CALCR: variants seen among roughly 807,000 people sequenced by gnomAD.
The protein encoded by CALCR is calcitonin receptor.
CALCR carries 47 observed loss-of-function variants against 59.5 expected under a neutral mutation model. The observed-to-expected ratio is 0.79, with a 90% CI of 0.63 to 1.01. The LOEUF is 1.01. CALCR is among the 50% of genes least tolerant of loss of function. The probability of loss-of-function intolerance (pLI) is 0.00; values close to 1 mark genes in which losing one functional copy is unlikely to be tolerated. For synonymous variants in CALCR, 213 were observed against 211.3 expected (o/e 1.01, Z -0.07); for missense variants, 566 against 597.1 (o/e 0.95, Z 0.54).
rs77805728 is a variant in CALCR at position 93,535,406 on chromosome 7, T to A, written c.-27+38883A>T. Among the ~76,000 whole-genome samples the A allele has an allele frequency of 1.9e-3, 289 of 151,878 alleles. 10 individuals are homozygous for A. In the East Asian group the frequency reaches 0.053, roughly 28 times the overall value. On this transcript the variant is annotated intron_variant, in intron 2 of 13. Transcript: ENST00000426151. ...TCCATGTAAGCTTAAATTTCTTAAG[T>A]ACATGGGCCTGTCTTGCTTCACTTT...
At chr7:93,427,950 C>G (rs775397664) in intron 13 of CALCR, among the ~76,000 whole-genome samples, 1 of 152,134 alleles carries the variant, frequency 6.6e-6, no homozygotes, top group South Asian at 2.1e-4. Context: ...ATTTAGCAAT[C>G]TGATAATTTG....
At chr7:93,506,818 C>G (rs2374657) in intron 2 of CALCR, among the ~76,000 whole-genome samples, 20,525 of 152,060 alleles carry the variant, frequency 0.13, 3,018 homozygotes, top group African/African-American at 0.35. Context: ...AATTGTAGTT[C>G]CCACAATCCT....
At chr7:93,439,918 G>A (rs2043781981) in intron 9 of CALCR, among the ~76,000 whole-genome samples, 1 of 152,050 alleles carries the variant, frequency 6.6e-6, no homozygotes. Flanking sequence ...ACTACTAAGT[G>A]GTGCCATGCA....
chr7:93,485,964 G>T (rs574247942), intron 3 of CALCR, among the ~76,000 whole-genome samples: 1 of 151,552 alleles, frequency 6.6e-6, no homozygotes, highest in Non-Finnish European at 1.5e-5. Flanking sequence ...TAACATTTAT[G>T]AAATACTAGC....
chr7:93,522,321 A>G (rs1801781379), intron 2 of CALCR, among the ~76,000 whole-genome samples: 1 of 152,204 alleles, frequency 6.6e-6, no homozygotes, highest in Non-Finnish European at 1.5e-5. Flanking sequence ...AAGATTTATC[A>G]TCATTCATTG....
Position 93,438,925 on chromosome 7 carries a change from T to C in CALCR, c.803-655A>G, listed in dbSNP as rs181020169. On this transcript the variant is annotated intron_variant, in intron 9 of 13. Transcript: ENST00000426151. ...GTAAAAAAAAAAAAACTTTTTAATT[T>C]ATAAACAGAAAAATGGACACAGTTA... 1.8e-3 allele frequency among the ~76,000 whole-genome samples: 279 copies of C among 152,200 alleles called. 2 individuals are homozygous for C. Among genetic ancestry groups the C allele is most frequent in the African/African-American group, 6.3e-3 (263 of 41,544 alleles).
chr7:93,548,490 C>T (rs933819565), intron 2 of CALCR, among the ~76,000 whole-genome samples: 2 of 151,722 alleles, frequency 1.3e-5, no homozygotes, highest in African/African-American at 2.4e-5. Context: ...TTTATAGAAC[C>T]GAGGGAAATA....
intron 2 of CALCR, among the ~76,000 whole-genome samples, chr7:93,556,749 C>T (rs745814420): frequency 8.6e-5 from 13 of 151,866 alleles, no homozygotes; most frequent in Non-Finnish European, 1.9e-4. Context: ...ATAGATCTGC[C>T]TCATTCTTTT....
chr7:93,561,428 T>G (rs1484525102), intron 2 of CALCR, among the ~76,000 whole-genome samples: 1 of 152,132 alleles, frequency 6.6e-6, no homozygotes, highest in Admixed American at 6.6e-5. Flanking sequence ...TAATAGCATT[T>G]TTGCTTTTTC....
At chr7:93,509,122 T>C in intron 2 of CALCR, among the ~76,000 whole-genome samples, 1 of 152,052 alleles carries the variant, frequency 6.6e-6, no homozygotes, top group East Asian at 1.9e-4. Flanking sequence ...TTGGCTCAGG[T>C]AAAAGCATGG....
intron 6 of CALCR, among the ~76,000 whole-genome samples, chr7:93,470,079 C>G (rs1800520466): frequency 6.6e-6 from 1 of 151,676 alleles, no homozygotes; most frequent in African/African-American, 2.4e-5. Flanking sequence ...CTAAGTTGTG[C>G]CTGTTGCATC....
At chr7:93,495,867 A>C in intron 2 of CALCR, 1 of 1,522,172 alleles carries the variant, frequency 6.6e-7, no homozygotes, top group Non-Finnish European at 8.8e-7. Flanking sequence ...GGGACAACCG[A>C]ATCTATACTG....
At chr7:93,572,892 T>C (rs1291870923) in intron 2 of CALCR, among the ~76,000 whole-genome samples, 1 of 152,228 alleles carries the variant, frequency 6.6e-6, no homozygotes, top group African/African-American at 2.4e-5. Context: ...ATGAATAAAC[T>C]TAGAACATTT....
chr7:93,560,019 C>T (rs894458639), intron 2 of CALCR, among the ~76,000 whole-genome samples: 2 of 152,106 alleles, frequency 1.3e-5, no homozygotes, highest in Non-Finnish European at 2.9e-5. Flanking sequence ...TTAGAAACAG[C>T]TATTTAAAAT....
intron 2 of CALCR, among the ~76,000 whole-genome samples, chr7:93,566,999 T>C (rs150618312): frequency 6.6e-6 from 1 of 152,302 alleles, no homozygotes; most frequent in African/African-American, 2.4e-5. Flanking sequence ...AGCTCCAGCC[T>C]AGTGCAAGAA....
intron 2 of CALCR, among the ~76,000 whole-genome samples, chr7:93,543,335 G>A (rs576422688): frequency 1.4e-4 from 22 of 152,174 alleles, no homozygotes; most frequent in East Asian, 1.4e-3. Flanking sequence ...AGTAGAGACC[G>A]GGTTTCACCG....
intron 2 of CALCR, among the ~76,000 whole-genome samples, chr7:93,515,835 G>A (rs755362357): frequency 2.0e-5 from 3 of 151,894 alleles, no homozygotes; most frequent in Non-Finnish European, 4.4e-5. Context: ...ATCTGAATGC[G>A]AAGTTTTAGG....
rs57128008 is a variant in CALCR at position 93,532,838 on chromosome 7, CAAAAA to C, written c.-27+41446_-27+41450del. On this transcript the variant is annotated intron_variant, in intron 2 of 13. Coordinates refer to ENST00000426151, the MANE Select transcript of CALCR (RefSeq NM_001742.4). ...TAGCCTTGATTCCTCATGTCCAAAG[CAAAAA>C]AAAAAAAAAAAAAAAAAAAATACTT... 8.1e-3 allele frequency among the ~76,000 whole-genome samples: 777 copies of C among 95,680 alleles called. 8 individuals are homozygous for C. Among genetic ancestry groups the C allele is most frequent in the African/African-American group, 0.03 (606 of 19,940 alleles). 62.8% of individuals were successfully genotyped at this position (95,680 alleles called of 152,430 possible).
At chr7:93,559,068 C>A (rs540919236) in intron 2 of CALCR, among the ~76,000 whole-genome samples, 65 of 151,732 alleles carry the variant, frequency 4.3e-4, no homozygotes, top group African/African-American at 1.6e-3. Context: ...ATAACAACAA[C>A]AAAAAAAATT....
Sources: allele counts gnomAD v4.1 joint callset (sites outside exome capture counted in the v4.1 genomes callset), GRCh38; gene constraint gnomAD v4.1.1; transcripts MANE v1.5; gene names NCBI Gene and HGNC (gene_info 2026-07-23, HGNC 2026-07-21).